The following DPP10 variants were observed in gnomAD, a reference collection of about 807,000 sequenced individuals.
DPP10 encodes the protein inactive dipeptidyl peptidase 10.
DPP10 carries 33 observed loss-of-function variants against 120.9 expected under a neutral mutation model. The observed-to-expected ratio is 0.27, with a 90% CI of 0.21 to 0.37. The LOEUF is 0.37. Among genes scored for constraint, DPP10 ranks in the 10% least tolerant of loss-of-function variants. DPP10 has a pLI of 1.00. For missense variants in DPP10, 816 were observed against 942.8 expected, an observed-to-expected ratio of 0.87 and a Z score of 1.76; for synonymous variants, 337 against 326.1, an observed-to-expected ratio of 1.03 and a Z score of -0.36.
chr2:115,059,543 C>T (rs1368132824), intron 1 of DPP10, among the ~76,000 whole-genome samples: 2 of 151,996 alleles, frequency 1.3e-5, no homozygotes, highest in African/African-American at 2.4e-5. Flanking sequence ...ATTTCTCCAA[C>T]CATGACAACT....
chr2:115,598,141 A>G (rs2083098352), intron 5 of DPP10, among the ~76,000 whole-genome samples: 2 of 151,792 alleles, frequency 1.3e-5, no homozygotes, highest in African/African-American at 2.4e-5. Context: ...GTGTCTTTGT[A>G]TTTAAATCTT....
chr2:115,370,165 A>G (rs2065316765), intron 3 of DPP10, among the ~76,000 whole-genome samples: 1 of 152,168 alleles, frequency 6.6e-6, no homozygotes, highest in African/African-American at 2.4e-5. Flanking sequence ...GAAATCTCCT[A>G]TCAAAGACAG....
intron 1 of DPP10, among the ~76,000 whole-genome samples, chr2:115,083,330 T>C (rs1708427304): frequency 6.6e-6 from 1 of 152,220 alleles, no homozygotes; most frequent in Admixed American, 6.5e-5. Context: ...GAATATATAA[T>C]CTGACAGTTA....
intron 1 of DPP10, among the ~76,000 whole-genome samples, chr2:114,545,183 A>G (rs1336450627): frequency 1.3e-5 from 2 of 152,132 alleles, no homozygotes; most frequent in African/African-American, 4.8e-5. Context: ...AAGTAATATG[A>G]AATTAATGTA....
intron 1 of DPP10, among the ~76,000 whole-genome samples, chr2:115,054,097 G>T (rs868002825): frequency 5.9e-5 from 9 of 152,228 alleles, no homozygotes; most frequent in Middle Eastern, 3.4e-3. Context: ...AATATGTTAG[G>T]TTCACAGAGA....
intron 5 of DPP10, chr2:115,579,602 ACTTTTT>A (rs2081898347): frequency 1.3e-5 from 2 of 152,110 alleles, no homozygotes; most frequent in Admixed American, 1.3e-4. Context: ...TATGTTTTTT[ACTTTTT>A]CTTTTAAACC....
intron 3 of DPP10, among the ~76,000 whole-genome samples, chr2:115,380,411 C>T (rs1374083675): frequency 1.3e-5 from 2 of 152,080 alleles, no homozygotes; most frequent in East Asian, 3.9e-4. Flanking sequence ...CTTGGTAGAT[C>T]TTCTTCCATC....
intron 8 of DPP10, 82 bp from the exon 9 acceptor site, chr2:115,739,657 T>TG (rs1341095046): frequency 2.1e-6 from 3 of 1,411,118 alleles, no homozygotes; most frequent in Non-Finnish European, 3.0e-6. Context: ...AGGTGTACAA[T>TG]GGAGATTTCA....
chr2:115,450,317 A>G (rs1465529274), intron 3 of DPP10, among the ~76,000 whole-genome samples: 1 of 152,002 alleles, frequency 6.6e-6, no homozygotes, highest in Admixed American at 6.6e-5. Flanking sequence ...CAAAATTCAC[A>G]GTACATTGAA....
chr2:114,875,304 A>G (rs998957684), intron 1 of DPP10, among the ~76,000 whole-genome samples: 8 of 152,178 alleles, frequency 5.3e-5, no homozygotes, highest in Non-Finnish European at 1.2e-4. Flanking sequence ...TGTAGTTTCT[A>G]CTCACAAAGA....
At chr2:114,474,343 T>A (rs1680195255) in intron 1 of DPP10, among the ~76,000 whole-genome samples, 1 of 152,226 alleles carries the variant, frequency 6.6e-6, no homozygotes, top group Non-Finnish European at 1.5e-5. Flanking sequence ...GAACGTAAAA[T>A]TGCAGTTTGC....
intron 5 of DPP10, among the ~76,000 whole-genome samples, chr2:115,629,638 A>C (rs998495173): frequency 6.6e-5 from 10 of 151,610 alleles, no homozygotes; most frequent in Admixed American, 5.3e-4. Context: ...GTTCATATCC[A>C]GCACCATTTA....
chr2:115,445,421 T>G (rs1215651226), intron 3 of DPP10, among the ~76,000 whole-genome samples: 1 of 152,154 alleles, frequency 6.6e-6, no homozygotes, highest in Non-Finnish European at 1.5e-5. Context: ...AGAGACTTGT[T>G]GAACAGTTTT....
At chr2:114,480,135 G>T (rs943151864) in intron 1 of DPP10, among the ~76,000 whole-genome samples, 4 of 152,064 alleles carry the variant, frequency 2.6e-5, no homozygotes, top group African/African-American at 9.7e-5. Flanking sequence ...TCAGAGAAAT[G>T]CAAATCAAAA....
chr2:115,310,071 T>A (rs2061518329), intron 2 of DPP10, among the ~76,000 whole-genome samples: 1 of 152,076 alleles, frequency 6.6e-6, no homozygotes, highest in Admixed American at 6.6e-5. Context: ...CTCCTTCAGT[T>A]GTCTTCCAGA....
intron 1 of DPP10, among the ~76,000 whole-genome samples, chr2:115,268,276 G>A (rs868254287): frequency 1.6e-4 from 25 of 151,658 alleles, no homozygotes; most frequent in African/African-American, 5.1e-4. Context: ...CAGTTTATAG[G>A]GGAAAAAAAA....
At chr2:115,073,207 T>G (rs548784907) in intron 1 of DPP10, among the ~76,000 whole-genome samples, 6 of 152,276 alleles carry the variant, frequency 3.9e-5, no homozygotes, top group Admixed American at 1.3e-4. Flanking sequence ...ACATGGAATT[T>G]AAAGACAAAA....
At chr2:115,754,180 T>C (rs6542292) in intron 11 of DPP10, among the ~76,000 whole-genome samples, 148,351 of 152,190 alleles carry the variant, frequency 0.97, 72,445 homozygotes, top group Middle Eastern at 1. Context: ...GCAAAAAGAT[T>C]TTTGTGATCT....
At chr2:115,810,163 A>G (rs549622502) in intron 19 of DPP10, among the ~76,000 whole-genome samples, 2,311 of 118,340 alleles carry the variant, frequency 0.02, 69 homozygotes, top group African/African-American at 0.066. Context: ...CTCCATCTCG[A>G]AAAAAAAAAA....
Sources: allele counts gnomAD v4.1 joint callset (sites outside exome capture counted in the v4.1 genomes callset), GRCh38; gene constraint gnomAD v4.1.1; transcripts MANE v1.5; gene names NCBI Gene and HGNC (gene_info 2026-07-23, HGNC 2026-07-21).